Variants in ATP13A5 observed in about 807,000 individuals in gnomAD.
The protein encoded by ATP13A5 is probable cation-transporting ATPase 13A5.
A neutral mutation model predicts 150.2 loss-of-function variants in ATP13A5; 149 were observed. The observed-to-expected ratio is 0.99, with a 90% CI of 0.87 to 1.14. The LOEUF (loss-of-function observed/expected upper bound fraction) is 1.14, where lower values mean the gene tolerates loss of function less well. Among genes scored for constraint, ATP13A5 ranks in the 50% most tolerant of loss-of-function variants. The pLI is 0.00. For missense variants in ATP13A5, 1,383 were observed against 1,449.3 expected, an observed-to-expected ratio of 0.95 and a Z score of 0.74; for synonymous variants, 497 against 522.2, an observed-to-expected ratio of 0.95 and a Z score of 0.66.
chr3:193,362,678 A>C (rs754626493), intron 3 of ATP13A5, 41 bp from the exon 4 acceptor site: 24 of 1,587,878 alleles, frequency 1.5e-5, no homozygotes, highest in Non-Finnish European at 1.8e-5. Context: ...CATTCACAGC[A>C]TAAAGCTCAC....
chr3:193,341,596 T>G (rs1488009835), intron 9 of ATP13A5, among the ~76,000 whole-genome samples: 1 of 151,556 alleles, frequency 6.6e-6, no homozygotes, highest in East Asian at 1.9e-4. Context: ...CAGAGTGGAG[T>G]GGGAGCAGCA....
In ATP13A5 at chr3:193,294,378, G is replaced by A. The variant is rs146590927; in HGVS notation, c.2849-4319C>T. Among the ~76,000 whole-genome samples the A allele has an allele frequency of 2.7e-3, 406 of 152,098 alleles. 4 individuals carry two copies. The highest frequency in any genetic ancestry group is 9.2e-3 in the African/African-American group (381 of 41,516). ...AGTTTGAGGAGTTCTTGTTGAAGAG[G>A]ACAGAGATGTGGCAAAACAAGCTCC... is the stretch of plus-strand genomic sequence containing the variant. On this transcript the variant is annotated intron_variant, in intron 25 of 29. Transcript: ENST00000342358.
intron 7 of ATP13A5, among the ~76,000 whole-genome samples, chr3:193,347,585 G>A (rs570763516): frequency 1.2e-4 from 18 of 147,742 alleles, no homozygotes; most frequent in Non-Finnish European, 2.5e-4. Context: ...ATAAGAGGAT[G>A]ATAATCAACA....
At position 193,274,940 on chromosome 3, in the gene ATP13A5, T is replaced by C; in HGVS notation, c.*102A>G. On this transcript the variant is annotated 3_prime_UTR_variant, in exon 30 of 30. Transcript: ENST00000342358. ...TGAAAATATACTTTGAATGCTTGAATGGAGAGAGGAAAGGTAAGGGGAGAG... is the reference window on the plus strand; with the variant it reads ...TGAAAATATACTTTGAATGCTTGAACGGAGAGAGGAAAGGTAAGGGGAGAG... 1 of 1,472,752 alleles carries C rather than the reference T, an allele frequency of 6.8e-7. No homozygotes were observed. The highest frequency in any genetic ancestry group is 9.2e-7 in the Non-Finnish European group (1 of 1,083,726). 91.2% of individuals were successfully genotyped at this position (1,472,752 alleles called of 1,614,324 possible).
rs145142469 is a variant in ATP13A5, at chr3:193,334,443, T to A, written c.1114+486A>T. On this transcript the variant is annotated intron_variant, in intron 10 of 29. Transcript: ENST00000342358. ...TATTAAGAGACCAGCATGATGGTGA[T>A]GATATTAACAGAGAAAGTCAATACA... 3.7e-3 allele frequency among the ~76,000 whole-genome samples: 559 copies of A among 152,290 alleles called. 8 individuals carry two copies. The highest frequency in any genetic ancestry group is 9.1e-3 in the South Asian group (44 of 4,826).
chr3:193,318,990 C>T lies in ATP13A5; in HGVS notation c.2033+1G>A, dbSNP rs748521980. The T allele has an allele frequency of 6.2e-7, 1 of 1,610,518 alleles. No homozygotes were observed. The highest frequency in any genetic ancestry group is 2.2e-5 in the East Asian group (1 of 44,836). On this transcript the variant is annotated splice_donor_variant, in intron 17 of 29. Coordinates refer to ENST00000342358, the MANE Select transcript of ATP13A5 (RefSeq NM_198505.4). LOFTEE classifies it high-confidence loss of function. The stretch of plus-strand genomic sequence containing the variant: ...CTAGTGCCAATTTCTGAATTGCTTA[C>T]CTGGCTAAGTGCTCGACTTCTGAAA...
At chr3:193,353,550 C>G (rs781671646) in intron 6 of ATP13A5, among the ~76,000 whole-genome samples, 1 of 152,066 alleles carries the variant, frequency 6.6e-6, no homozygotes, top group Non-Finnish European at 1.5e-5. Context: ...GCCCTAACCC[C>G]CAGTGTGATG....
intron 27 of ATP13A5, among the ~76,000 whole-genome samples, chr3:193,282,969 A>T (rs1285921244): frequency 6.6e-6 from 1 of 152,226 alleles, no homozygotes; most frequent in Non-Finnish European, 1.5e-5. Flanking sequence ...CTTGCCACTT[A>T]TTAAATAAAA....
intron 12 of ATP13A5, among the ~76,000 whole-genome samples, chr3:193,328,994 C>A (rs1053595664): frequency 2.8e-4 from 43 of 152,160 alleles, no homozygotes; most frequent in African/African-American, 1.0e-3. Context: ...CGCCTGTAAT[C>A]CCAGCACTTT....
intron 17 of ATP13A5, among the ~76,000 whole-genome samples, 171 bp downstream of exon 17, chr3:193,318,820 C>T (rs917827623): frequency 1.3e-5 from 2 of 152,176 alleles, no homozygotes; most frequent in African/African-American, 4.8e-5. Flanking sequence ...TTGAGCAAGT[C>T]ATCTCCAGTA....
chr3:193,296,820 C>A (rs536110081), intron 25 of ATP13A5, among the ~76,000 whole-genome samples: 2 of 152,116 alleles, frequency 1.3e-5, no homozygotes, highest in East Asian at 3.9e-4. Flanking sequence ...TATCCATGAG[C>A]ATGGAGTGTT....
chr3:193,362,750 C>CTTCTTTCT lies in ATP13A5; in HGVS notation c.385-121_385-114dup, dbSNP rs751840109. ...CCCCTTGTGGGTCTCACTTGCTTTC[C>CTTCTTTCT]TTCTTTCTTTCTTTCTTTCTTTCTT... On this transcript the variant is annotated intron_variant, in intron 3 of 29. Coordinates refer to ENST00000342358, the MANE Select transcript of ATP13A5 (RefSeq NM_198505.4). 2,812 of 633,048 alleles carry CTTCTTTCT rather than the reference C, an allele frequency of 4.4e-3. 137 individuals are homozygous for CTTCTTTCT. The highest frequency in any genetic ancestry group is 0.01 in the East Asian group (271 of 25,850). The allele number at this position is 633,048 out of a possible 1,614,324, so 39.2% of individuals were successfully genotyped here. A position where few individuals can be genotyped will look rare whatever the true frequency, so the allele number is the denominator to read the frequency against.
At chr3:193,302,917 C>A (rs1718459146) in intron 23 of ATP13A5, among the ~76,000 whole-genome samples, 1 of 152,132 alleles carries the variant, frequency 6.6e-6, no homozygotes, top group Admixed American at 6.5e-5. Context: ...AGTTTCTACC[C>A]TAGCGTCTTA....
rs1284039261 is a variant in ATP13A5 at position 193,361,592 on chromosome 3, T to G, written c.536+789A>C. 2.6e-5 allele frequency among the ~76,000 whole-genome samples: 4 copies of G among 152,192 alleles called. No individual in the cohort carries two copies. In the East Asian group the frequency reaches 7.7e-4, roughly 29 times the overall value. ...GTGAGAAATAAAGGTGATTATAAGATTCTGGGGAAGACTTGTAATGATTTC... is the reference window on the plus strand; with the variant it reads ...GTGAGAAATAAAGGTGATTATAAGAGTCTGGGGAAGACTTGTAATGATTTC... On this transcript the variant is annotated intron_variant, in intron 5 of 29. Coordinates refer to ENST00000342358, the MANE Select transcript of ATP13A5 (RefSeq NM_198505.4).
At chr3:193,296,231 C>T (rs1007435420) in intron 25 of ATP13A5, among the ~76,000 whole-genome samples, 1 of 152,080 alleles carries the variant, frequency 6.6e-6, no homozygotes, top group Admixed American at 6.6e-5. Context: ...GAGAGCACCA[C>T]TATGTCAGGG....
At chr3:193,376,475 G>A (rs1170029979) in intron 1 of ATP13A5, among the ~76,000 whole-genome samples, 5 of 152,140 alleles carry the variant, frequency 3.3e-5, no homozygotes, top group African/African-American at 1.2e-4. Context: ...GCCTCCCAAA[G>A]TGCTGGGATT....
At chr3:193,284,877 AAT>A in intron 27 of ATP13A5, 35 bp downstream of exon 27, 1 of 1,533,240 alleles carries the variant, frequency 6.5e-7, no homozygotes. Flanking sequence ...GGAATGGGAA[AAT>A]ATTCAGAAAG....
intron 7 of ATP13A5, among the ~76,000 whole-genome samples, chr3:193,348,009 G>T (rs1712413683): frequency 6.6e-6 from 1 of 152,128 alleles, no homozygotes; most frequent in African/African-American, 2.4e-5. Context: ...TCACATAGTA[G>T]GCCCTTGTCA....
intron 12 of ATP13A5, among the ~76,000 whole-genome samples, chr3:193,327,616 G>A (rs1719511772): frequency 1.3e-5 from 2 of 152,140 alleles, no homozygotes; most frequent in African/African-American, 4.8e-5. Context: ...ATGCCCATAA[G>A]TGGATTTTAT....
Sources: gnomAD v4.1 joint callset for allele counts (sites outside exome capture counted in the v4.1 genomes callset) on GRCh38, gnomAD v4.1.1 for gene constraint, MANE v1.5 for transcripts, NCBI Gene and HGNC (gene_info 2026-07-23, HGNC 2026-07-21) for gene names.